The following RBFOX2 variants were observed in gnomAD, a reference collection of about 807,000 sequenced individuals.
RBFOX2 encodes RNA binding protein fox-1 homolog 2.
In RBFOX2, 10 loss-of-function variants were observed where a neutral mutation model predicts 49.1. The ratio of observed to expected loss-of-function variants is 0.20; its 90% CI spans 0.13 to 0.35. The LOEUF (loss-of-function observed/expected upper bound fraction) is 0.35, where lower values mean the gene tolerates loss of function less well. Among genes scored for constraint, RBFOX2 ranks in the 10% least tolerant of loss-of-function variants. The pLI, the probability that RBFOX2 is intolerant of heterozygous loss-of-function variation, is 1.00. For missense variants in RBFOX2, 323 were observed against 486.9 expected (o/e 0.66, Z 3.17); for synonymous variants, 183 against 187.4 (o/e 0.98, Z 0.19).
At chr22:35,980,100 C>A (rs565410466) in intron 1 of RBFOX2, among the ~76,000 whole-genome samples, 4 of 152,058 alleles carry the variant, frequency 2.6e-5, no homozygotes, top group Non-Finnish European at 4.4e-5. Flanking sequence ...TACTCCACCA[C>A]AAATTCATTA....
chr22:35,845,904 A>G (rs1329742013), intron 1 of RBFOX2, among the ~76,000 whole-genome samples: 1 of 152,124 alleles, frequency 6.6e-6, no homozygotes, highest in Non-Finnish European at 1.5e-5. Context: ...TGTGTCTGGC[A>G]TAGTATCTGG....
chr22:35,942,308 ATAG>A (rs2053775292), upstream of RBFOX2, among the ~76,000 whole-genome samples: 2 of 152,122 alleles, frequency 1.3e-5, no homozygotes, highest in African/African-American at 4.8e-5. Flanking sequence ...CTCACACCTA[ATAG>A]TAGGAATATA....
intron 2 of RBFOX2, among the ~76,000 whole-genome samples, chr22:35,787,378 G>A (rs1257992062): frequency 2.6e-5 from 4 of 152,118 alleles, no homozygotes. Context: ...GTCAGGCTAT[G>A]CAGAGAAAGG....
chr22:35,827,927 G>A (rs1016576537), intron 1 of RBFOX2, among the ~76,000 whole-genome samples: 3 of 152,234 alleles, frequency 2.0e-5, no homozygotes, highest in Non-Finnish European at 4.4e-5. Context: ...AGCACTTTGG[G>A]AGGCCGAGGT....
intron 1 of RBFOX2, among the ~76,000 whole-genome samples, chr22:35,811,758 G>A (rs1365076089): frequency 6.6e-6 from 1 of 152,114 alleles, no homozygotes; most frequent in Non-Finnish European, 1.5e-5. Flanking sequence ...GCGGCTAGGA[G>A]TTCAAGATCA....
chr22:35,938,499 G>A (rs9622308), intron 1 of RBFOX2, among the ~76,000 whole-genome samples: 8,638 of 152,040 alleles, frequency 0.057, 322 homozygotes, highest in African/African-American at 0.096. Context: ...TGCAGGCAGG[G>A]GCTAACTGGC....
intron 1 of RBFOX2, among the ~76,000 whole-genome samples, chr22:36,001,374 GA>G: frequency 6.6e-6 from 1 of 151,874 alleles, no homozygotes; most frequent in South Asian, 2.1e-4. Context: ...ATATCAATAA[GA>G]AAAAAACAAT....
At chr22:35,746,084 T>C in intron 10 of RBFOX2, 89 bp from the exon 13 acceptor site, 8 of 1,155,250 alleles carry the variant, frequency 6.9e-6, no homozygotes, top group East Asian at 2.4e-5. Flanking sequence ...GACTTGTGAG[T>C]CACTTGGTCT....
intron 1 of RBFOX2, among the ~76,000 whole-genome samples, chr22:36,026,944 C>A (rs2059461649): frequency 6.6e-6 from 1 of 152,118 alleles, no homozygotes; most frequent in South Asian, 2.1e-4. Flanking sequence ...AGTCTTTTAG[C>A]ACTGCAGAGA....
intron 1 of RBFOX2, among the ~76,000 whole-genome samples, chr22:36,015,283 CAT>C (rs763547606): frequency 1.3e-5 from 2 of 152,170 alleles, no homozygotes; most frequent in Non-Finnish European, 2.9e-5. Context: ...CTAATGCAGA[CAT>C]ATATGAAACG....
intron 1 of RBFOX2, among the ~76,000 whole-genome samples, chr22:35,875,667 T>TGTGTG (rs2044978925): frequency 7.7e-6 from 1 of 129,190 alleles, no homozygotes; most frequent in Non-Finnish European, 1.7e-5. Flanking sequence ...TGTGTGTGTG[T>TGTGTG]CTTGTAGCCC....
chr22:36,014,289 AT>A, intron 1 of RBFOX2, among the ~76,000 whole-genome samples: 1 of 151,732 alleles, frequency 6.6e-6, no homozygotes. Context: ...CGCCCAGCTA[AT>A]TTTTTGTATT....
At chr22:35,772,085 T>C (rs1942828468) in intron 4 of RBFOX2, among the ~76,000 whole-genome samples, 1 of 152,146 alleles carries the variant, frequency 6.6e-6, no homozygotes, top group African/African-American at 2.4e-5. Flanking sequence ...ATGTAACAAA[T>C]AGATTATATA....
At chr22:35,888,158 T>C (rs1479460881) in intron 1 of RBFOX2, among the ~76,000 whole-genome samples, 3 of 152,184 alleles carry the variant, frequency 2.0e-5, no homozygotes, top group African/African-American at 7.2e-5. Flanking sequence ...AGAAGATTGC[T>C]GGATAAAACT....
At chr22:35,877,283 G>GAGA (rs2045254051) in intron 1 of RBFOX2, among the ~76,000 whole-genome samples, 1 of 152,052 alleles carries the variant, frequency 6.6e-6, no homozygotes, top group Non-Finnish European at 1.5e-5. Flanking sequence ...GACAGGAAGG[G>GAGA]AGAAAGGAAG....
At chr22:35,817,984 ACC>A (rs1491027247) in intron 1 of RBFOX2, among the ~76,000 whole-genome samples, 3 of 129,194 alleles carry the variant, frequency 2.3e-5, no homozygotes, top group Admixed American at 1.6e-4. Flanking sequence ...ACACACACAC[ACC>A]CCTCTTCTGA....
At chr22:35,936,964 A>G in intron 1 of RBFOX2, among the ~76,000 whole-genome samples, 1 of 152,244 alleles carries the variant, frequency 6.6e-6, no homozygotes. Flanking sequence ...ATAATAAAGT[A>G]ACTGCATTAG....
intron 1 of RBFOX2, among the ~76,000 whole-genome samples, chr22:36,015,264 A>G (rs577732994): frequency 6.6e-6 from 1 of 152,352 alleles, no homozygotes; most frequent in Non-Finnish European, 1.5e-5. Context: ...ATCTTATGTA[A>G]GTATGTAACT....
At chr22:35,856,019 A>T (rs548964294) in intron 1 of RBFOX2, among the ~76,000 whole-genome samples, 1 of 152,194 alleles carries the variant, frequency 6.6e-6, no homozygotes, top group Non-Finnish European at 1.5e-5. Context: ...GAAGAAAAAA[A>T]AAAAAAGTTT....
Sources: allele counts gnomAD v4.1 joint callset (sites outside exome capture counted in the v4.1 genomes callset), GRCh38; gene constraint gnomAD v4.1.1; transcripts MANE v1.5; gene names NCBI Gene and HGNC (gene_info 2026-07-23, HGNC 2026-07-21).